Variants in DLGAP2 observed in about 807,000 individuals in gnomAD.
DLGAP2 encodes the protein DLG associated protein 2.
In DLGAP2, 26 loss-of-function variants were observed where a neutral mutation model predicts 100.3. That is an observed-to-expected ratio of 0.26 (90% CI 0.19 to 0.36). The LOEUF (loss-of-function observed/expected upper bound fraction) is 0.36, where lower values mean the gene tolerates loss of function less well. Ranked by LOEUF, DLGAP2 falls within the 10% of genes least tolerant of loss-of-function variation. DLGAP2 has a pLI of 1.00. For missense variants in DLGAP2, 1,858 were observed against 1,453.2 expected (o/e 1.28, Z -4.53); for synonymous variants, 886 against 630.1 (o/e 1.41, Z -6.08).
At chr8:1,576,412 G>A (rs367779924) in intron 6 of DLGAP2, among the ~76,000 whole-genome samples, 1 of 152,158 alleles carries the variant, frequency 6.6e-6, no homozygotes, top group Admixed American at 6.5e-5. Context: ...CTCCCATTCT[G>A]TAGGTTGCCT....
chr8:1,096,622 C>A (rs951740857), intron 2 of DLGAP2, among the ~76,000 whole-genome samples: 19 of 148,922 alleles, frequency 1.3e-4, no homozygotes, highest in Non-Finnish European at 2.4e-4. Flanking sequence ...ACCCCTCCAG[C>A]GTGAGACCCA....
chr8:1,482,706 C>T (rs1205405424), intron 3 of DLGAP2, among the ~76,000 whole-genome samples: 1 of 152,224 alleles, frequency 6.6e-6, no homozygotes, highest in Non-Finnish European at 1.5e-5. Context: ...CCTCACCTGA[C>T]CTGGGATGCG....
chr8:1,570,905 C>T (rs1734488890), intron 6 of DLGAP2, among the ~76,000 whole-genome samples: 1 of 98,938 alleles, frequency 1.0e-5, no homozygotes, highest in Non-Finnish European at 2.0e-5. Context: ...GGGGCGTCTT[C>T]TGGGATGGAG....
At chr8:1,529,720 A>G (rs1165318805) in intron 4 of DLGAP2, among the ~76,000 whole-genome samples, 2 of 152,234 alleles carry the variant, frequency 1.3e-5, no homozygotes, top group Admixed American at 1.3e-4. Context: ...GACACTTATC[A>G]GGGAACCTGC....
At chr8:1,059,141 G>C (rs998628527) in intron 2 of DLGAP2, among the ~76,000 whole-genome samples, 12 of 152,132 alleles carry the variant, frequency 7.9e-5, no homozygotes, top group African/African-American at 2.9e-4. Context: ...CAGCAGTGCT[G>C]CTCTCTGCTC....
chr8:821,246 G>A (rs1796577704), intron 1 of DLGAP2, among the ~76,000 whole-genome samples: 1 of 152,130 alleles, frequency 6.6e-6, no homozygotes, highest in Non-Finnish European at 1.5e-5. Context: ...GCAGATAGCA[G>A]GCAATGTTCA....
chr8:1,493,478 A>G (rs1799453276), intron 3 of DLGAP2, among the ~76,000 whole-genome samples: 1 of 152,220 alleles, frequency 6.6e-6, no homozygotes, highest in African/African-American at 2.4e-5. Context: ...CTGGATGAGA[A>G]TGAAGCAACG....
At chr8:1,453,149 T>C (rs917352023) in intron 3 of DLGAP2, among the ~76,000 whole-genome samples, 38 of 151,074 alleles carry the variant, frequency 2.5e-4, no homozygotes, top group African/African-American at 9.2e-4. Flanking sequence ...GTCGCAGGTA[T>C]TGGAGCGCGC....
chr8:940,989 C>T (rs1477579283), intron 2 of DLGAP2, among the ~76,000 whole-genome samples: 1 of 152,140 alleles, frequency 6.6e-6, no homozygotes, highest in Non-Finnish European at 1.5e-5. Flanking sequence ...CAGGGATGCC[C>T]CCACCCATCT....
At chr8:1,081,886 C>T (rs749066648) in intron 2 of DLGAP2, among the ~76,000 whole-genome samples, 20 of 152,162 alleles carry the variant, frequency 1.3e-4, no homozygotes, top group African/African-American at 2.4e-4. Context: ...TGGATGCCGA[C>T]GCTGCGGCTG....
At chr8:1,195,862 AT>A (rs1427580332) in intron 2 of DLGAP2, among the ~76,000 whole-genome samples, 49 of 152,332 alleles carry the variant, frequency 3.2e-4, no homozygotes, top group African/African-American at 1.2e-3. Flanking sequence ...ACGCTTCCAA[AT>A]GAGGGTCATT....
intron 4 of DLGAP2, among the ~76,000 whole-genome samples, chr8:1,542,443 A>G (rs1801393935): frequency 6.6e-6 from 1 of 152,186 alleles, no homozygotes; most frequent in African/African-American, 2.4e-5. Context: ...TCTGTTTTCC[A>G]TTTTGAGATC....
chr8:1,327,209 T>C (rs1318420976), intron 3 of DLGAP2, among the ~76,000 whole-genome samples: 1 of 152,222 alleles, frequency 6.6e-6, no homozygotes, highest in Admixed American at 6.5e-5. Context: ...TGTGTATTTC[T>C]TTGCAATTTT....
chr8:1,136,634 G>A (rs2129049919), intron 2 of DLGAP2, among the ~76,000 whole-genome samples: 1 of 152,326 alleles, frequency 6.6e-6, no homozygotes, highest in East Asian at 1.9e-4. Context: ...ACATGACTAT[G>A]CTCAGTAAAA....
intron 6 of DLGAP2, among the ~76,000 whole-genome samples, chr8:1,616,210 G>A (rs1327779653): frequency 6.6e-6 from 1 of 152,084 alleles, no homozygotes; most frequent in Non-Finnish European, 1.5e-5. Context: ...ATATGAAAAA[G>A]TAGAGGTAAG....
At chr8:1,182,235 C>G (rs1479661444) in intron 2 of DLGAP2, among the ~76,000 whole-genome samples, 1 of 152,208 alleles carries the variant, frequency 6.6e-6, no homozygotes, top group Non-Finnish European at 1.5e-5. Flanking sequence ...CCAACAGGGG[C>G]TTGGGGGCGA....
At chr8:779,456 CTTCT>C (rs1240539014) in intron 1 of DLGAP2, among the ~76,000 whole-genome samples, 3 of 148,444 alleles carry the variant, frequency 2.0e-5, no homozygotes, top group Non-Finnish European at 4.4e-5. Flanking sequence ...TTTCTTTTCC[CTTCT>C]TTCTTTCTTT....
At chr8:1,383,137 TTATC>T (rs1277805100) in intron 3 of DLGAP2, among the ~76,000 whole-genome samples, 2 of 152,250 alleles carry the variant, frequency 1.3e-5, no homozygotes, top group African/African-American at 4.8e-5. Context: ...ATCATCCCCT[TTATC>T]TATTTTGGCA....
At position 1,456,279 on chromosome 8, in the gene DLGAP2, C is replaced by T. The variant is rs548914214; in HGVS notation, c.107-45087C>T. Among the ~76,000 whole-genome samples the T allele has an allele frequency of 2.6e-4, 39 of 152,300 alleles. 1 individual carries two copies. The highest frequency in any genetic ancestry group is 8.2e-4 in the African/African-American group (34 of 41,564). On this transcript the variant is annotated intron_variant, in intron 3 of 14. Transcript: ENST00000637795. ...TCCTCATTGGCAGCATTGTGGGTTA[C>T]AGAATGTTTCTACACACACGCTTCT...
Sources: allele counts gnomAD v4.1 joint callset (sites outside exome capture counted in the v4.1 genomes callset), GRCh38; gene constraint gnomAD v4.1.1; transcripts MANE v1.5; gene names NCBI Gene and HGNC (gene_info 2026-07-23, HGNC 2026-07-21).